The following WBP1L variants were observed in gnomAD, a reference collection of about 807,000 sequenced individuals.
WBP1L encodes the protein WW domain binding protein 1 like.
A neutral mutation model predicts 33.7 loss-of-function variants in WBP1L; 17 were observed. The observed-to-expected ratio is 0.50, with a 90% CI of 0.34 to 0.76. The LOEUF is 0.76. Ranked by LOEUF, WBP1L falls within the 30% of genes least tolerant of loss-of-function variation. WBP1L has a pLI of 0.01. For synonymous variants in WBP1L, 173 were observed against 190.8 expected (o/e 0.91, Z 0.77); for missense variants, 389 against 469.4 (o/e 0.83, Z 1.58).
intron 2 of WBP1L, among the ~76,000 whole-genome samples, chr10:102,804,738 A>G (rs541488950): frequency 6.1e-4 from 93 of 152,288 alleles, no homozygotes; most frequent in African/African-American, 2.2e-3. Context: ...GCCAAAACAG[A>G]AGGAAGACTA....
intron 2 of WBP1L, among the ~76,000 whole-genome samples, chr10:102,804,965 CAAAA>C (rs1317482038): frequency 6.6e-6 from 1 of 151,814 alleles, no homozygotes; most frequent in Non-Finnish European, 1.5e-5. Context: ...ACGGGGAAAA[CAAAA>C]CAAAACAAAA....
chr10:102,806,487 A>G (rs1019355788), intron 2 of WBP1L, among the ~76,000 whole-genome samples: 1 of 152,138 alleles, frequency 6.6e-6, no homozygotes, highest in South Asian at 2.1e-4. Flanking sequence ...CCCTTCTGCA[A>G]GGGTTCCTCT....
At chr10:102,805,258 GACAGAGTAAT>G (rs1311878260) in intron 2 of WBP1L, among the ~76,000 whole-genome samples, 1 of 152,098 alleles carries the variant, frequency 6.6e-6, no homozygotes. Flanking sequence ...CAGCCTGGGT[GACAGAGTAAT>G]ACCTGTCTCA....
intron 1 of WBP1L, chr10:102,746,191 A>G: frequency 1.0e-6 from 1 of 984,490 alleles, no homozygotes; most frequent in Non-Finnish European, 1.2e-6. Flanking sequence ...GAACATGTGG[A>G]AGGGGATTGT....
At chr10:102,749,901 C>A (rs1201124088) in intron 1 of WBP1L, among the ~76,000 whole-genome samples, 1 of 151,834 alleles carries the variant, frequency 6.6e-6, no homozygotes, top group African/African-American at 2.4e-5. Context: ...CCTCAGCCTC[C>A]CAAATAGCTG....
rs1416097853 is a variant in WBP1L, at chr10:102,814,069, G to A, written c.*738G>A. On this transcript the variant is annotated 3_prime_UTR_variant, in exon 4 of 4. Coordinates refer to ENST00000448841, the MANE Select transcript of WBP1L (RefSeq NM_001083913.2). ...TTGTTTTTTTCTCTAAAAACAAACAGCAAAAGACAGCTGAAAACAAGAACT... is the reference window on the plus strand; with the variant it reads ...TTGTTTTTTTCTCTAAAAACAAACAACAAAAGACAGCTGAAAACAAGAACT... The A allele has an allele frequency of 1.3e-5, 2 of 152,206 alleles. No homozygotes were observed. The highest frequency in any genetic ancestry group is 2.9e-5 in the Non-Finnish European group (2 of 68,042). The allele number at this position is 152,206 out of a possible 1,614,324, so 9.4% of individuals were successfully genotyped here.
At chr10:102,807,238 A>C (rs1843749851) in intron 2 of WBP1L, among the ~76,000 whole-genome samples, 1 of 152,278 alleles carries the variant, frequency 6.6e-6, no homozygotes, top group South Asian at 2.1e-4. Context: ...TTAGTTGAGA[A>C]AAAAATATTC....
chr10:102,795,417 C>T (rs77422625), intron 1 of WBP1L, among the ~76,000 whole-genome samples: 130 of 152,318 alleles, frequency 8.5e-4, no homozygotes, highest in African/African-American at 3.1e-3. Flanking sequence ...AATGATGCTT[C>T]CACTGTTCTG....
chr10:102,801,541 G>A (rs1174354472), intron 2 of WBP1L, among the ~76,000 whole-genome samples: 1 of 152,166 alleles, frequency 6.6e-6, no homozygotes, highest in African/African-American at 2.4e-5. Context: ...ATCCAGCGGG[G>A]AGGGGATAGG....
chr10:102,774,323 A>G (rs1380999683), intron 1 of WBP1L, among the ~76,000 whole-genome samples: 1 of 151,900 alleles, frequency 6.6e-6, no homozygotes, highest in Non-Finnish European at 1.5e-5. Flanking sequence ...GGATAGACTG[A>G]CCATGTCTTG....
intron 2 of WBP1L, among the ~76,000 whole-genome samples, chr10:102,803,607 CTTT>C (rs11288742): frequency 5.9e-4 from 79 of 134,622 alleles, no homozygotes; most frequent in Non-Finnish European, 6.6e-4. Context: ...TTGGGTTTTC[CTTT>C]TTTTTTTTTT....
chr10:102,807,614 C>G (rs976414537), intron 2 of WBP1L, among the ~76,000 whole-genome samples: 1 of 152,054 alleles, frequency 6.6e-6, no homozygotes, highest in African/African-American at 2.4e-5. Flanking sequence ...TGTCGTGATC[C>G]GCCCACCTTG....
At chr10:102,797,250 A>C (rs951111989) in intron 1 of WBP1L, among the ~76,000 whole-genome samples, 3 of 152,250 alleles carry the variant, frequency 2.0e-5, no homozygotes, top group African/African-American at 7.2e-5. Flanking sequence ...TGCTAATCCT[A>C]GAATACATAC....
At chr10:102,800,463 G>C (rs1843640232) in intron 2 of WBP1L, among the ~76,000 whole-genome samples, 1 of 152,164 alleles carries the variant, frequency 6.6e-6, no homozygotes, top group Non-Finnish European at 1.5e-5. Context: ...GAAAGCAGGT[G>C]CCTCACCCCA....
At chr10:102,793,040 C>T (rs1215119930) in intron 1 of WBP1L, among the ~76,000 whole-genome samples, 3 of 152,130 alleles carry the variant, frequency 2.0e-5, no homozygotes, top group Non-Finnish European at 2.9e-5. Flanking sequence ...TTATTGTAGT[C>T]GCAGTTTTAT....
chr10:102,803,697 C>G (rs1843690823), intron 2 of WBP1L, among the ~76,000 whole-genome samples: 1 of 151,646 alleles, frequency 6.6e-6, no homozygotes, highest in Admixed American at 6.6e-5. Context: ...CAAGCTCCGC[C>G]TCCCAGGTTC....
intron 2 of WBP1L, among the ~76,000 whole-genome samples, chr10:102,802,368 C>T (rs969806120): frequency 1.3e-5 from 2 of 150,820 alleles, no homozygotes; most frequent in African/African-American, 4.9e-5. Flanking sequence ...CGTTTTTTAC[C>T]TGCCGTTTTT....
intron 1 of WBP1L, among the ~76,000 whole-genome samples, chr10:102,791,937 G>A (rs1408784192): frequency 1.3e-5 from 2 of 152,146 alleles, no homozygotes; most frequent in Non-Finnish European, 2.9e-5. Context: ...AAGTTTTTAC[G>A]CTGATTAAAT....
At chr10:102,788,824 G>A (rs372764811) in intron 1 of WBP1L, among the ~76,000 whole-genome samples, 1 of 152,120 alleles carries the variant, frequency 6.6e-6, no homozygotes, top group Non-Finnish European at 1.5e-5. Flanking sequence ...AAGGCTCAAG[G>A]TAAAGAATAA....
Sources: gnomAD v4.1 joint callset for allele counts (sites outside exome capture counted in the v4.1 genomes callset) on GRCh38, gnomAD v4.1.1 for gene constraint, MANE v1.5 for transcripts, NCBI Gene and HGNC (gene_info 2026-07-23, HGNC 2026-07-21) for gene names.